Variants in DZANK1 observed in about 807,000 individuals in gnomAD.
DZANK1 encodes double zinc ribbon and ankyrin repeat-containing protein 1.
Under a neutral mutation model 94.5 loss-of-function variants are expected in DZANK1, and 91 were observed. The observed-to-expected ratio is 0.96, with a 90% CI of 0.81 to 1.15. DZANK1 has a LOEUF of 1.15. Ranked by LOEUF, DZANK1 falls within the 50% of genes most tolerant of loss-of-function variation. The pLI, the probability that DZANK1 is intolerant of heterozygous loss-of-function variation, is 0.00. For synonymous variants in DZANK1, 312 were observed against 325.3 expected (o/e 0.96, Z 0.44); for missense variants, 903 against 916.4 (o/e 0.99, Z 0.19).
intron 17 of DZANK1, 65 bp downstream of exon 17, chr20:18,393,646 C>A: frequency 1.8e-6 from 2 of 1,116,198 alleles, no homozygotes; most frequent in South Asian, 1.5e-5. Flanking sequence ...TAAAAAAGGT[C>A]AAAATAAAAC....
chr20:18,413,647 G>A (rs2057360040), intron 12 of DZANK1, among the ~76,000 whole-genome samples: 1 of 152,128 alleles, frequency 6.6e-6, no homozygotes, highest in African/African-American at 2.4e-5. Context: ...GGGCATGGTG[G>A]CACGGGCCTG....
At chr20:18,413,781 A>G (rs1014625473) in intron 12 of DZANK1, among the ~76,000 whole-genome samples, 1 of 150,572 alleles carries the variant, frequency 6.6e-6, no homozygotes, top group African/African-American at 2.4e-5. Context: ...CTCTGTCTCA[A>G]AAAAAAAAGG....
chr20:18,435,198 CT>C (rs1292085918), intron 8 of DZANK1, among the ~76,000 whole-genome samples: 1 of 152,200 alleles, frequency 6.6e-6, no homozygotes, highest in Non-Finnish European at 1.5e-5. Context: ...GGAGTGGAGG[CT>C]TTCCTGGATG....
At chr20:18,423,969 T>C (rs2057912597) in intron 10 of DZANK1, among the ~76,000 whole-genome samples, 1 of 151,472 alleles carries the variant, frequency 6.6e-6, no homozygotes, top group Admixed American at 6.6e-5. Flanking sequence ...GCAAATGAAT[T>C]AACCAGAAGC....
chr20:18,433,490 T>G, intron 9 of DZANK1, 162 bp downstream of exon 9: 15 of 603,592 alleles, frequency 2.5e-5, no homozygotes, highest in Middle Eastern at 4.5e-4. Flanking sequence ...TGCAGTGAGC[T>G]GAGATTGCGC....
chr20:18,410,928 G>T (rs965013143), intron 13 of DZANK1, among the ~76,000 whole-genome samples: 1 of 152,196 alleles, frequency 6.6e-6, no homozygotes, highest in African/African-American at 2.4e-5. Context: ...TCCAGCCTGG[G>T]TGACAAAGTG....
At chr20:18,405,365 A>G (rs2056910102) in intron 13 of DZANK1, among the ~76,000 whole-genome samples, 1 of 152,160 alleles carries the variant, frequency 6.6e-6, no homozygotes. Flanking sequence ...GATAAAAAAG[A>G]ATTAGCAAAC....
At chr20:18,427,195 G>T in intron 9 of DZANK1, 36 bp from the exon 10 acceptor site, 2 of 1,525,794 alleles carry the variant, frequency 1.3e-6, no homozygotes, top group Non-Finnish European at 1.8e-6. Context: ...ATGTTCCTCT[G>T]AGCAAACAAC....
intron 7 of DZANK1, 62 bp downstream of exon 7, chr20:18,448,922 C>G (rs1311238644): frequency 3.9e-6 from 4 of 1,025,284 alleles, no homozygotes; most frequent in Non-Finnish European, 5.7e-6. Flanking sequence ...TCTTTAAATT[C>G]TCTTTGACCA....
chr20:18,436,279 T>G (rs1349779933), intron 8 of DZANK1, among the ~76,000 whole-genome samples: 1 of 152,018 alleles, frequency 6.6e-6, no homozygotes. Flanking sequence ...AGTTGAAAAG[T>G]AAAGTAACTG....
intron 15 of DZANK1, 121 bp from the exon 16 acceptor site, chr20:18,394,471 G>A: frequency 1.0e-6 from 1 of 960,948 alleles, no homozygotes; most frequent in Non-Finnish European, 1.6e-6. Flanking sequence ...CCCAGAGAGT[G>A]GAGCCTGAGA....
At chr20:18,464,992 C>T (rs1349491742) in intron 2 of DZANK1, among the ~76,000 whole-genome samples, 1 of 152,098 alleles carries the variant, frequency 6.6e-6, no homozygotes, top group East Asian at 1.9e-4. Context: ...GGACATCTTA[C>T]CTTGGCTAAG....
At chr20:18,392,805 C>T (rs1336539798) in intron 17 of DZANK1, among the ~76,000 whole-genome samples, 1 of 152,108 alleles carries the variant, frequency 6.6e-6, no homozygotes, top group African/African-American at 2.4e-5. Flanking sequence ...CAAACCAAAC[C>T]AAACCAAACC....
exon 8 of DZANK1, chr20:18,443,421 G>C (rs764869947): frequency 2.0e-6 from 3 of 1,519,820 alleles, no homozygotes; most frequent in Admixed American, 2.2e-5. Context: ...TGACAGAAGC[G>C]AGCAAAGGGA....
chr20:18,386,150 G>A (rs926165391), intron 19 of DZANK1, among the ~76,000 whole-genome samples: 3 of 152,166 alleles, frequency 2.0e-5, no homozygotes, highest in African/African-American at 7.2e-5. Context: ...GATCCCTATG[G>A]AGAAAAAGGA....
At chr20:18,428,198 C>CT (rs199834993) in intron 9 of DZANK1, among the ~76,000 whole-genome samples, 1,687 of 147,038 alleles carry the variant, frequency 0.011, 39 homozygotes, top group African/African-American at 0.039. Flanking sequence ...TAATTTTTTT[C>CT]TTTTTTTTGA....
At chr20:18,443,285 A>T in intron 8 of DZANK1, 62 bp downstream of exon 8, 1 of 1,098,382 alleles carries the variant, frequency 9.1e-7, no homozygotes, top group Non-Finnish European at 1.4e-6. Flanking sequence ...GCACTGTGTT[A>T]CTGCTGCAAA....
intron 9 of DZANK1, among the ~76,000 whole-genome samples, chr20:18,430,247 A>C (rs2058229575): frequency 1.3e-5 from 2 of 152,182 alleles, no homozygotes; most frequent in Admixed American, 1.3e-4. Flanking sequence ...AGTTATGGTT[A>C]CACTGGCCTT....
chr20:18,401,840 G>C (rs753734062), intron 13 of DZANK1, among the ~76,000 whole-genome samples: 1 of 152,140 alleles, frequency 6.6e-6, no homozygotes, highest in Non-Finnish European at 1.5e-5. Flanking sequence ...GAACTATCAC[G>C]GTGTCTCTTC....
Sources: gnomAD v4.1 joint callset for allele counts (sites outside exome capture counted in the v4.1 genomes callset) on GRCh38, gnomAD v4.1.1 for gene constraint, MANE v1.5 for transcripts, NCBI Gene and HGNC (gene_info 2026-07-23, HGNC 2026-07-21) for gene names.